Variants in GRIP1 observed in about 807,000 individuals in gnomAD.
GRIP1 encodes glutamate receptor interacting protein 1.
In GRIP1, 45 loss-of-function variants were observed where a neutral mutation model predicts 129.9. That is an observed-to-expected ratio of 0.35 (90% CI 0.27 to 0.44). GRIP1 has a LOEUF of 0.44. Among genes scored for constraint, GRIP1 ranks in the 20% least tolerant of loss-of-function variants. The pLI is 1.00. For synonymous variants in GRIP1, 530 were observed against 520.8 expected (o/e 1.02, Z -0.24); for missense variants, 1,196 against 1,396.8 (o/e 0.86, Z 2.29).
At chr12:66,640,213 C>T (rs193198843) in intron 1 of GRIP1, among the ~76,000 whole-genome samples, 32 of 152,258 alleles carry the variant, frequency 2.1e-4, no homozygotes, top group East Asian at 3.9e-4. Flanking sequence ...ATTTGAATTA[C>T]TACTAAACTA....
At chr12:67,015,455 G>T (rs1352687915) in intron 1 of GRIP1, among the ~76,000 whole-genome samples, 1 of 152,154 alleles carries the variant, frequency 6.6e-6, no homozygotes, top group Admixed American at 6.6e-5. Context: ...AATAAATCCT[G>T]CTATAGCAGA....
chr12:66,984,677 A>G (rs184498442), intron 1 of GRIP1, among the ~76,000 whole-genome samples: 11 of 152,276 alleles, frequency 7.2e-5, no homozygotes, highest in African/African-American at 2.6e-4. Context: ...TAAAAACCCA[A>G]TCAGATTGTA....
chr12:66,417,017 G>A (rs1031173806), intron 15 of GRIP1, among the ~76,000 whole-genome samples: 2 of 151,852 alleles, frequency 1.3e-5, no homozygotes, highest in East Asian at 1.9e-4. Context: ...AACCTCTAAC[G>A]AACATTGATG....
chr12:66,578,302 C>G (rs2139578014), intron 2 of GRIP1, among the ~76,000 whole-genome samples: 1 of 128,336 alleles, frequency 7.8e-6, no homozygotes, highest in Non-Finnish European at 1.6e-5. Context: ...AGGAACAGCT[C>G]TGGTCTACAG....
intron 1 of GRIP1, among the ~76,000 whole-genome samples, chr12:66,602,268 T>G (rs2064309950): frequency 6.6e-6 from 1 of 152,174 alleles, no homozygotes. Context: ...CCTGGTGGTT[T>G]GACAGCACAC....
chr12:66,394,135 T>C lies in GRIP1; in HGVS notation c.2129+73A>G, dbSNP rs374261608. 1.7e-4 allele frequency: 230 copies of C among 1,338,874 alleles called. 4 individuals are homozygous for C. The African/African-American group carries it at 2.5e-3, about 15-fold the overall frequency. The allele number at this position is 1,338,874 out of a possible 1,614,324, so 82.9% of individuals were successfully genotyped here. ...ACAGATAACCACAGAGAGAGGAGCA[T>C]GTTTTTATGTGGTTGTGAGGAAGGA... is the stretch of plus-strand genomic sequence containing the variant. On this transcript the variant is annotated intron_variant, in intron 17 of 24. Transcript: ENST00000359742.
chr12:66,392,340 C>G lies in GRIP1; in HGVS notation c.2432G>C (p.Gly811Ala), dbSNP rs746288453. 1 of 1,612,494 alleles carries G rather than the reference C, an allele frequency of 6.2e-7. No homozygotes were observed. Among genetic ancestry groups the G allele is most frequent in the African/African-American group, 1.3e-5 (1 of 74,834 alleles). Residue 811 changes from glycine to alanine, a missense_variant, in exon 19 of 25, where the codon GGG becomes GCG. Coordinates refer to ENST00000359742, the MANE Select transcript of GRIP1 (RefSeq NM_001366722.1). ...SVDSAVDSWD[G>A]SAIDTSYGTQ... is the part of the protein sequence containing the mutation. Reference sequence around the variant, plus strand: ...TCCATAGCTGGTGTCTATTGCAGACCCATCCCATGAATCCACAGCACTGTC... The same window carrying G: ...TCCATAGCTGGTGTCTATTGCAGACGCATCCCATGAATCCACAGCACTGTC...
chr12:66,387,356 T>C (rs1024642636), intron 19 of GRIP1, among the ~76,000 whole-genome samples: 1 of 152,252 alleles, frequency 6.6e-6, no homozygotes, highest in African/African-American at 2.4e-5. Flanking sequence ...AGCAGCCTGC[T>C]GTTGCTGCTC....
At position 66,790,667 on chromosome 12, in the gene GRIP1, A is replaced by T. The variant is rs577371033; in HGVS notation, c.-420+13386T>A. On this transcript the variant is annotated intron_variant, in intron 1 of 4. Transcript: ENST00000538373. ...TTAGAGGATAATGCCTTTATAGCTA[A>T]AAGAGAGAAGAAAGGTACTGGGAAC... Among the ~76,000 whole-genome samples the T allele has an allele frequency of 6.6e-5, 10 of 152,272 alleles. No individual in the cohort carries two copies. In the South Asian group the frequency reaches 2.1e-3, roughly 32 times the overall value.
At chr12:66,474,006 T>A (rs1352985932) in intron 7 of GRIP1, among the ~76,000 whole-genome samples, 1 of 151,968 alleles carries the variant, frequency 6.6e-6, no homozygotes, top group Non-Finnish European at 1.5e-5. Flanking sequence ...GAAGTAGGCT[T>A]CAGAAGATGG....
chr12:66,861,503 C>T (rs1690228176), intron 1 of GRIP1, among the ~76,000 whole-genome samples: 1 of 152,124 alleles, frequency 6.6e-6, no homozygotes, highest in Admixed American at 6.6e-5. Flanking sequence ...AGCCCCTATG[C>T]TCTTTTGCTT....
At chr12:66,745,897 C>T (rs1185895458) in intron 1 of GRIP1, among the ~76,000 whole-genome samples, 1 of 152,148 alleles carries the variant, frequency 6.6e-6, no homozygotes, top group Non-Finnish European at 1.5e-5. Context: ...AAGTGCAGGG[C>T]CCCTCTGTTC....
chr12:66,830,179 G>T (rs1373102567), intron 1 of GRIP1, among the ~76,000 whole-genome samples: 4 of 152,116 alleles, frequency 2.6e-5, no homozygotes, highest in African/African-American at 9.7e-5. Flanking sequence ...TTATCAGGTG[G>T]AGACTATTAG....
Position 66,392,527 on chromosome 12 carries a change from A to C in GRIP1, c.2270-25T>G, listed in dbSNP as rs750858998. The C allele has an allele frequency of 1.9e-6, 3 of 1,606,046 alleles. No individual in the cohort carries two copies. The South Asian group carries it at 3.3e-5, about 18-fold the overall frequency. On this transcript the variant is annotated intron_variant, in intron 18 of 24. Coordinates refer to ENST00000359742, the MANE Select transcript of GRIP1 (RefSeq NM_001366722.1). ...GCTTTATAGACAGGAAAGGAGTTTA[A>C]GTATCAGAGTAAATTTAAATAAAAA...
intron 2 of GRIP1, among the ~76,000 whole-genome samples, chr12:66,549,346 T>C (rs923322044): frequency 2.0e-5 from 3 of 152,176 alleles, no homozygotes; most frequent in Non-Finnish European, 4.4e-5. Context: ...GTTATTTCCC[T>C]AAGCTTACTT....
At chr12:66,715,626 C>G (rs1310319869) in intron 1 of GRIP1, among the ~76,000 whole-genome samples, 1 of 151,896 alleles carries the variant, frequency 6.6e-6, no homozygotes, top group African/African-American at 2.4e-5. Flanking sequence ...CAGTAAATAC[C>G]AGCTGAATAA....
intron 9 of GRIP1, among the ~76,000 whole-genome samples, chr12:66,458,632 G>T (rs2059040535): frequency 1.3e-5 from 2 of 152,156 alleles, no homozygotes; most frequent in African/African-American, 4.8e-5. Flanking sequence ...TGATCCGCCT[G>T]CCTCGGCCTC....
chr12:66,753,077 A>G (rs1361675907), intron 1 of GRIP1, among the ~76,000 whole-genome samples: 2 of 152,022 alleles, frequency 1.3e-5, no homozygotes, highest in East Asian at 3.9e-4. Context: ...CCTACCCACC[A>G]ATGCTGTGTA....
chr12:66,404,427 A>T (rs1329555751), intron 16 of GRIP1, among the ~76,000 whole-genome samples: 1 of 152,158 alleles, frequency 6.6e-6, no homozygotes, highest in African/African-American at 2.4e-5. Flanking sequence ...ATCTCCACTT[A>T]ACCAATTTAC....
Sources: allele counts gnomAD v4.1 joint callset (sites outside exome capture counted in the v4.1 genomes callset), GRCh38; gene constraint gnomAD v4.1.1; transcripts MANE v1.5; gene names NCBI Gene and HGNC (gene_info 2026-07-23, HGNC 2026-07-21).